The following PIK3CB variants were observed in gnomAD, a reference collection of about 807,000 sequenced individuals.
The protein encoded by PIK3CB is phosphatidylinositol-4,5-bisphosphate 3-kinase catalytic subunit beta.
In PIK3CB, 39 loss-of-function variants were observed where a neutral mutation model predicts 136.8. The observed-to-expected ratio is 0.29, with a 90% CI of 0.22 to 0.37. PIK3CB has a LOEUF of 0.37. Ranked by LOEUF, PIK3CB falls within the 10% of genes least tolerant of loss-of-function variation. The pLI is 1.00. For synonymous variants in PIK3CB, 428 were observed against 436.6 expected (o/e 0.98, Z 0.25); for missense variants, 868 against 1,275.4 (o/e 0.68, Z 4.87).
At chr3:138,752,569 C>T (rs1304618531) in intron 4 of PIK3CB, among the ~76,000 whole-genome samples, 6 of 151,736 alleles carry the variant, frequency 4.0e-5, no homozygotes, top group Non-Finnish European at 8.8e-5. Flanking sequence ...ATTAGGTGGG[C>T]GTGGTGGTGC....
intron 19 of PIK3CB, among the ~76,000 whole-genome samples, chr3:138,679,672 C>T (rs902077098): frequency 1.3e-5 from 2 of 151,500 alleles, no homozygotes; most frequent in Non-Finnish European, 2.9e-5. Flanking sequence ...CAGCCTTGAC[C>T]TCCTGGGCTC....
At chr3:138,756,081 T>G (rs1032645445) in intron 3 of PIK3CB, 102 bp from the exon 4 acceptor site, 8 of 504,560 alleles carry the variant, frequency 1.6e-5, no homozygotes, top group African/African-American at 1.6e-4. Flanking sequence ...AATAAAAAAC[T>G]ATGAACAAAT....
intron 2 of PIK3CB, among the ~76,000 whole-genome samples, chr3:138,771,921 C>CAAA (rs60381827): frequency 7.9e-5 from 9 of 114,550 alleles, no homozygotes; most frequent in African/African-American, 2.0e-4. Flanking sequence ...GACTCAGTCT[C>CAAA]AAAAAAAAAA....
chr3:138,812,017 A>G (rs977592622), intron 1 of PIK3CB, among the ~76,000 whole-genome samples: 2 of 152,026 alleles, frequency 1.3e-5, no homozygotes, highest in Non-Finnish European at 2.9e-5. Flanking sequence ...CTTGAGCTCA[A>G]GAGTTTGAGG....
chr3:138,714,352 G>T, intron 9 of PIK3CB, 116 bp downstream of exon 9: 1 of 608,970 alleles, frequency 1.6e-6, no homozygotes. Context: ...CTTAAAATCA[G>T]TTTTTAAGGA....
intron 2 of PIK3CB, among the ~76,000 whole-genome samples, chr3:138,772,900 C>T (rs1347513250): frequency 6.6e-6 from 1 of 151,058 alleles, no homozygotes; most frequent in East Asian, 2.0e-4. Flanking sequence ...ATTCTCCTGC[C>T]TCAACCTCCC....
At chr3:138,711,351 G>T (rs956360754) in intron 10 of PIK3CB, among the ~76,000 whole-genome samples, 1 of 151,950 alleles carries the variant, frequency 6.6e-6, no homozygotes, top group Non-Finnish European at 1.5e-5. Flanking sequence ...TGGCCGAGGT[G>T]GGCGGATCAC....
chr3:138,709,346 T>C (rs1005911872), intron 10 of PIK3CB, among the ~76,000 whole-genome samples: 3 of 151,414 alleles, frequency 2.0e-5, no homozygotes, highest in African/African-American at 7.3e-5. Flanking sequence ...GTTCTCTACA[T>C]AGATACGTAG....
chr3:138,801,230 A>C (rs1286679806), intron 1 of PIK3CB, among the ~76,000 whole-genome samples: 1 of 152,170 alleles, frequency 6.6e-6, no homozygotes, highest in Non-Finnish European at 1.5e-5. Context: ...GAGGTGATAT[A>C]GCAAGAGTAT....
At chr3:138,678,636 AAATAT>A (rs1248817911) in intron 19 of PIK3CB, among the ~76,000 whole-genome samples, 13 of 152,260 alleles carry the variant, frequency 8.5e-5, no homozygotes, top group African/African-American at 2.6e-4. Context: ...TACAGGAGAC[AAATAT>A]AATATAAAAT....
chr3:138,751,861 C>CT (rs1440053793), intron 4 of PIK3CB, among the ~76,000 whole-genome samples: 2 of 151,138 alleles, frequency 1.3e-5, no homozygotes, highest in East Asian at 3.9e-4. Flanking sequence ...ATCCCAGCTA[C>CT]TTAGGAGGCT....
At chr3:138,763,137 T>A (rs1275857244) in intron 2 of PIK3CB, among the ~76,000 whole-genome samples, 1 of 151,892 alleles carries the variant, frequency 6.6e-6, no homozygotes, top group Non-Finnish European at 1.5e-5. Context: ...TATGTATGTA[T>A]GTATGTATGT....
At chr3:138,760,713 C>G (rs2045651860) in intron 2 of PIK3CB, among the ~76,000 whole-genome samples, 1 of 152,012 alleles carries the variant, frequency 6.6e-6, no homozygotes, top group African/African-American at 2.4e-5. Flanking sequence ...TTGAGACCAG[C>G]CTGGGCAACA....
intron 5 of PIK3CB, among the ~76,000 whole-genome samples, chr3:138,741,489 T>C (rs144113086): frequency 1.6e-3 from 237 of 152,342 alleles, no homozygotes; most frequent in Admixed American, 2.5e-3. Context: ...CATAATTGGT[T>C]GTTGTCATTG....
chr3:138,685,396 C>CAAAAAAAAA (rs398052626), intron 16 of PIK3CB, among the ~76,000 whole-genome samples: 87 of 58,322 alleles, frequency 1.5e-3, no homozygotes, highest in African/African-American at 6.0e-3. Flanking sequence ...GAAACTGTCT[C>CAAAAAAAAA]AAAAAAAAAA....
At chr3:138,744,785 C>T (rs561836743) in intron 4 of PIK3CB, among the ~76,000 whole-genome samples, 54 of 152,258 alleles carry the variant, frequency 3.5e-4, no homozygotes, top group African/African-American at 1.1e-3. Context: ...AATTTGTTTT[C>T]GGGCACTGTT....
chr3:138,812,148 C>G (rs1035644766), intron 1 of PIK3CB, among the ~76,000 whole-genome samples: 1 of 151,304 alleles, frequency 6.6e-6, no homozygotes, highest in African/African-American at 2.4e-5. Context: ...ATTCTCGAAA[C>G]GACAAAATCA....
rs1156976404 is a variant in PIK3CB, at chr3:138,655,085, A to G, written c.*304T>C. On this transcript the variant is annotated 3_prime_UTR_variant, in exon 24 of 24. Coordinates refer to ENST00000674063, the MANE Select transcript of PIK3CB (RefSeq NM_006219.3). Reference sequence around the variant, plus strand: ...TACACCATTCTGGGAAGTACCAAATATTAGAAAAAACAAACAAAAACGGAA... The same window carrying G: ...TACACCATTCTGGGAAGTACCAAATGTTAGAAAAAACAAACAAAAACGGAA... 8.8e-6 allele frequency: 3 copies of G among 342,208 alleles called. No homozygotes were observed. The highest frequency in any genetic ancestry group is 6.3e-5 in the African/African-American group (3 of 47,994). The allele number at this position is 342,208 out of a possible 1,614,324, so 21.2% of individuals were successfully genotyped here. A position where few individuals can be genotyped will look rare whatever the true frequency, so the allele number is the denominator to read the frequency against.
chr3:138,735,957 TTC>T (rs146566627), intron 6 of PIK3CB, among the ~76,000 whole-genome samples: 102 of 149,794 alleles, frequency 6.8e-4, no homozygotes, highest in African/African-American at 9.5e-4. Context: ...ACACTGTATA[TTC>T]TCTCTCTCTC....
Sources: gnomAD v4.1 joint callset for allele counts (sites outside exome capture counted in the v4.1 genomes callset) on GRCh38, gnomAD v4.1.1 for gene constraint, MANE v1.5 for transcripts, NCBI Gene and HGNC (gene_info 2026-07-23, HGNC 2026-07-21) for gene names.